The following LSAMP variants were observed in gnomAD, a reference collection of about 807,000 sequenced individuals.
LSAMP encodes limbic system associated membrane protein.
In LSAMP, 7 loss-of-function variants were observed where a neutral mutation model predicts 38.6. The observed-to-expected ratio is 0.18, with a 90% CI of 0.10 to 0.34. LSAMP has a LOEUF of 0.34. LSAMP is among the 10% of genes least tolerant of loss of function. The pLI is 1.00. For synonymous variants in LSAMP, 154 were observed against 166.8 expected, an observed-to-expected ratio of 0.92 and a Z score of 0.59; for missense variants, 313 against 420.0, an observed-to-expected ratio of 0.75 and a Z score of 2.23.
chr3:116,213,361 C>A (rs1211148070), intron 1 of LSAMP, among the ~76,000 whole-genome samples: 1 of 152,144 alleles, frequency 6.6e-6, no homozygotes, highest in East Asian at 1.9e-4. Flanking sequence ...AAGAGGAGTT[C>A]CCCTGCACAA....
intron 4 of LSAMP, 21 bp from the exon 5 acceptor site, chr3:115,842,599 C>T (rs767438874): frequency 6.2e-7 from 1 of 1,611,906 alleles, no homozygotes; most frequent in South Asian, 1.1e-5. Flanking sequence ...GACAGGCACA[C>T]AAGTTTACAT....
intron 3 of LSAMP, among the ~76,000 whole-genome samples, chr3:115,941,313 C>T (rs1045223944): frequency 1.3e-5 from 2 of 152,008 alleles, no homozygotes; most frequent in Non-Finnish European, 2.9e-5. Flanking sequence ...AAAAGGGAAC[C>T]TTGCACAATG....
At chr3:116,400,101 T>TA (rs1224881115) in intron 1 of LSAMP, among the ~76,000 whole-genome samples, 1 of 152,214 alleles carries the variant, frequency 6.6e-6, no homozygotes, top group Non-Finnish European at 1.5e-5. Flanking sequence ...TCTACAAATC[T>TA]AAAAAACCCC....
chr3:115,950,194 C>G (rs190003448), intron 3 of LSAMP, among the ~76,000 whole-genome samples: 165 of 152,238 alleles, frequency 1.1e-3, no homozygotes, highest in African/African-American at 3.7e-3. Flanking sequence ...TGCCCACTTT[C>G]ACCACTTCTA....
chr3:116,353,486 G>A (rs1339905336), intron 1 of LSAMP, among the ~76,000 whole-genome samples: 1 of 152,062 alleles, frequency 6.6e-6, no homozygotes, highest in South Asian at 2.1e-4. Context: ...ACTTCTTGAA[G>A]ACAGAGATCC....
chr3:116,131,146 T>G (rs928302160), intron 1 of LSAMP, among the ~76,000 whole-genome samples: 1 of 151,854 alleles, frequency 6.6e-6, no homozygotes, highest in Non-Finnish European at 1.5e-5. Context: ...GCCCTCCACC[T>G]CGCCTGGCTA....
At chr3:116,408,631 T>C (rs2048929938) in intron 1 of LSAMP, among the ~76,000 whole-genome samples, 1 of 152,110 alleles carries the variant, frequency 6.6e-6, no homozygotes, top group Non-Finnish European at 1.5e-5. Flanking sequence ...CCGTGCATGA[T>C]AGATACTATT....
At chr3:116,228,723 T>C (rs1348043265) in intron 1 of LSAMP, among the ~76,000 whole-genome samples, 3 of 152,116 alleles carry the variant, frequency 2.0e-5, no homozygotes, top group Admixed American at 2.0e-4. Flanking sequence ...CTAAGTGTTA[T>C]CATTTGGAAA....
intron 3 of LSAMP, among the ~76,000 whole-genome samples, chr3:115,938,533 A>G (rs1937787994): frequency 6.6e-6 from 1 of 152,182 alleles, no homozygotes. Flanking sequence ...ACGACCTTAT[A>G]ACATGGAAGT....
At chr3:116,116,454 T>C (rs542828981) in intron 1 of LSAMP, among the ~76,000 whole-genome samples, 11 of 150,752 alleles carry the variant, frequency 7.3e-5, no homozygotes, top group Middle Eastern at 3.4e-3. Flanking sequence ...CCCAGCACTT[T>C]GGGAGGCCGA....
chr3:116,336,341 A>G (rs1435082662), intron 1 of LSAMP, among the ~76,000 whole-genome samples: 1 of 152,074 alleles, frequency 6.6e-6, no homozygotes, highest in African/African-American at 2.4e-5. Context: ...AGAATGGTAG[A>G]AAATACTTGC....
rs555909109 is a variant in LSAMP, at chr3:115,828,350, T to A, written c.919+13495A>T. Among the ~76,000 whole-genome samples the A allele has an allele frequency of 1.8e-3, 269 of 152,302 alleles. 1 individual carries two copies. The highest frequency in any genetic ancestry group is 3.4e-3 in the Middle Eastern group (1 of 294). ...TTTTTTTGCTGTTGTTTTTTGTTTG[T>A]TTGTTTATTTGTTTCCTCTATGTAC... On this transcript the variant is annotated intron_variant, in intron 6 of 6. Transcript: ENST00000490035.
intron 2 of LSAMP, among the ~76,000 whole-genome samples, chr3:116,044,061 A>C (rs1231975318): frequency 6.6e-6 from 1 of 152,254 alleles, no homozygotes; most frequent in Non-Finnish European, 1.5e-5. Flanking sequence ...ATGCAGAGAC[A>C]ACATTATCCC....
intron 4 of LSAMP, among the ~76,000 whole-genome samples, chr3:115,846,412 C>T (rs1199330797): frequency 1.3e-5 from 2 of 152,070 alleles, no homozygotes; most frequent in African/African-American, 4.8e-5. Context: ...AAATATCATT[C>T]ATTTAATCTT....
rs188729663 is a variant in LSAMP at position 115,874,544 on chromosome 3, C to G, written c.515-21927G>C. ...TCCAGGCCCATTTATCTATATATTCCCCCATTGCTTCATTGACTTGTACAT... is the reference window on the plus strand; with the variant it reads ...TCCAGGCCCATTTATCTATATATTCGCCCATTGCTTCATTGACTTGTACAT... On this transcript the variant is annotated intron_variant, in intron 3 of 6. Coordinates refer to ENST00000490035, the MANE Select transcript of LSAMP (RefSeq NM_002338.5). Among the ~76,000 whole-genome samples, 11 of 152,094 alleles carry G rather than the reference C, an allele frequency of 7.2e-5. No individual in the cohort carries two copies. In the East Asian group the frequency reaches 1.9e-3, roughly 27 times the overall value.
In LSAMP at chr3:116,016,476, G is replaced by A. The variant is rs1053198583; in HGVS notation, c.514+3039C>T. On this transcript the variant is annotated intron_variant, in intron 3 of 6. Transcript: ENST00000490035. ...AGAGTAAAGTTGTTTCCTTTGAGAT[G>A]TCTGAAGGAGCTTGGTGGGGGATAT... 2.0e-5 allele frequency among the ~76,000 whole-genome samples: 3 copies of A among 152,300 alleles called. No homozygotes were observed. In the East Asian group the frequency reaches 5.8e-4, roughly 29 times the overall value.
At chr3:116,302,972 T>A (rs534489481) in intron 1 of LSAMP, among the ~76,000 whole-genome samples, 3 of 152,310 alleles carry the variant, frequency 2.0e-5, no homozygotes, top group African/African-American at 7.2e-5. Context: ...AATCTATAAT[T>A]TTAAACTACT....
chr3:116,206,191 A>C (rs377676041), intron 1 of LSAMP, among the ~76,000 whole-genome samples: 355 of 148,866 alleles, frequency 2.4e-3, no homozygotes, highest in African/African-American at 4.5e-3. Flanking sequence ...TTATTTGCGT[A>C]GAGGTGTTTG....
At chr3:116,100,914 T>C (rs1313796545) in intron 1 of LSAMP, among the ~76,000 whole-genome samples, 4 of 152,244 alleles carry the variant, frequency 2.6e-5, no homozygotes, top group Non-Finnish European at 4.4e-5. Flanking sequence ...CTGCTTACTA[T>C]ACAAAATCTA....
Sources: gnomAD v4.1 joint callset for allele counts (sites outside exome capture counted in the v4.1 genomes callset) on GRCh38, gnomAD v4.1.1 for gene constraint, MANE v1.5 for transcripts, NCBI Gene and HGNC (gene_info 2026-07-23, HGNC 2026-07-21) for gene names.